Variants in KHDRBS2 observed in about 807,000 individuals in gnomAD.
KHDRBS2 encodes the protein KH domain-containing, RNA-binding, signal transduction-associated protein 2.
A neutral mutation model predicts 44.3 loss-of-function variants in KHDRBS2; 26 were observed. The observed-to-expected ratio is 0.59, with a 90% CI of 0.43 to 0.81. KHDRBS2 has a LOEUF of 0.81. Ranked by LOEUF, KHDRBS2 falls within the 40% of genes least tolerant of loss-of-function variation. KHDRBS2 has a pLI of 0.00. For missense variants in KHDRBS2, 476 were observed against 433.1 expected (o/e 1.10, Z -0.88); for synonymous variants, 194 against 151.1 (o/e 1.28, Z -2.08).
intron 1 of KHDRBS2, among the ~76,000 whole-genome samples, chr6:62,218,321 C>G (rs1360278101): frequency 6.6e-6 from 1 of 151,726 alleles, no homozygotes; most frequent in East Asian, 1.9e-4. Flanking sequence ...AAAAGAATAT[C>G]CCCTTTAGAA....
chr6:61,552,354 A>T, the KHDRBS2 span, among the ~76,000 whole-genome samples: 1 of 152,064 alleles, frequency 6.6e-6, no homozygotes, highest in Non-Finnish European at 1.5e-5. Flanking sequence ...ATTTTTGTAC[A>T]TTGATTTTGT....
chr6:62,011,820 C>A (rs1449572554), intron 3 of KHDRBS2, among the ~76,000 whole-genome samples: 2 of 152,060 alleles, frequency 1.3e-5, no homozygotes, highest in African/African-American at 4.8e-5. Flanking sequence ...TTTAGTTTTT[C>A]ATTCACGTTC....
the KHDRBS2 span, among the ~76,000 whole-genome samples, chr6:61,596,161 G>C: frequency 2.0e-5 from 3 of 152,068 alleles, no homozygotes; most frequent in African/African-American, 7.2e-5. Context: ...AAAGACATAA[G>C]CTCACAGCAA....
intron 4 of KHDRBS2, among the ~76,000 whole-genome samples, chr6:61,921,768 C>G (rs1808107571): frequency 6.6e-6 from 1 of 151,966 alleles, no homozygotes; most frequent in African/African-American, 2.4e-5. Flanking sequence ...CGTTTTGCCA[C>G]TATAATTCTA....
At chr6:61,643,175 T>C in the KHDRBS2 span, among the ~76,000 whole-genome samples, 4 of 152,172 alleles carry the variant, frequency 2.6e-5, no homozygotes, top group Non-Finnish European at 4.4e-5. Flanking sequence ...ATCAAGCAAA[T>C]TCTGTATATA....
chr6:61,907,858 T>C (rs1286746886), intron 4 of KHDRBS2, among the ~76,000 whole-genome samples: 4 of 152,240 alleles, frequency 2.6e-5, no homozygotes, highest in Non-Finnish European at 5.9e-5. Flanking sequence ...ATCCTGTTGA[T>C]GTTTATTTGT....
chr6:62,218,059 G>A (rs1171267014), intron 1 of KHDRBS2, among the ~76,000 whole-genome samples: 1 of 151,864 alleles, frequency 6.6e-6, no homozygotes, highest in African/African-American at 2.4e-5. Context: ...CACCCTTGGG[G>A]CATCTTGCCA....
chr6:61,837,817 T>C (rs1438981430), intron 6 of KHDRBS2, among the ~76,000 whole-genome samples: 1 of 151,896 alleles, frequency 6.6e-6, no homozygotes, highest in Non-Finnish European at 1.5e-5. Context: ...CTGCATACCA[T>C]CCAAACCAGA....
At chr6:62,086,850 C>T (rs1364846889) in intron 2 of KHDRBS2, among the ~76,000 whole-genome samples, 1 of 151,846 alleles carries the variant, frequency 6.6e-6, no homozygotes, top group Non-Finnish European at 1.5e-5. Context: ...CCACTATACC[C>T]TCTCCAAATT....
chr6:61,717,582 G>A (rs573484644), intron 7 of KHDRBS2, among the ~76,000 whole-genome samples: 1 of 152,126 alleles, frequency 6.6e-6, no homozygotes, highest in African/African-American at 2.4e-5. Context: ...TACAAAACGA[G>A]GGCGAGTGAC....
At chr6:62,213,358 A>G (rs1829414448) in intron 1 of KHDRBS2, among the ~76,000 whole-genome samples, 1 of 152,066 alleles carries the variant, frequency 6.6e-6, no homozygotes, top group Admixed American at 6.5e-5. Flanking sequence ...TGAAAAAAAA[A>G]ATTCTGAGAA....
chr6:62,194,995 C>T (rs1488341778), intron 1 of KHDRBS2, among the ~76,000 whole-genome samples: 1 of 151,986 alleles, frequency 6.6e-6, no homozygotes, highest in African/African-American at 2.4e-5. Flanking sequence ...ATAGGGATTT[C>T]ACTGAATCTG....
At position 62,170,863 on chromosome 6, in the gene KHDRBS2, C is replaced by G. The variant is rs138660120; in HGVS notation, c.219+6322G>C. ...CCAGGAGTGCAGAACTGAGCTGTGGCCCCCTGAAATATTCCAGAATCAAAG... is the reference window on the plus strand; with the variant it reads ...CCAGGAGTGCAGAACTGAGCTGTGGGCCCCTGAAATATTCCAGAATCAAAG... On this transcript the variant is annotated intron_variant, in intron 2 of 8. Coordinates refer to ENST00000281156, the MANE Select transcript of KHDRBS2 (RefSeq NM_152688.4). Among the ~76,000 whole-genome samples, 728 of 152,040 alleles carry G rather than the reference C, an allele frequency of 4.8e-3. 5 individuals are homozygous for G. The highest frequency in any genetic ancestry group is 0.017 in the African/African-American group (707 of 41,460).
At chr6:61,814,664 C>T (rs1293651545) in intron 6 of KHDRBS2, among the ~76,000 whole-genome samples, 1 of 151,908 alleles carries the variant, frequency 6.6e-6, no homozygotes, top group Non-Finnish European at 1.5e-5. Context: ...TTCACTTTAC[C>T]CAAAGTTTAG....
intron 3 of KHDRBS2, among the ~76,000 whole-genome samples, chr6:62,033,098 T>C (rs1784643374): frequency 6.6e-6 from 1 of 151,790 alleles, no homozygotes; most frequent in South Asian, 2.1e-4. Flanking sequence ...AGTCTTCTAA[T>C]AGCAAAATAG....
At chr6:61,937,341 A>G (rs1811214361) in intron 4 of KHDRBS2, among the ~76,000 whole-genome samples, 2 of 151,940 alleles carry the variant, frequency 1.3e-5, no homozygotes, top group Admixed American at 1.3e-4. Context: ...ATTCAACCAT[A>G]TCAGATATTC....
chr6:62,115,055 C>T (rs1429976737), intron 2 of KHDRBS2, among the ~76,000 whole-genome samples: 1 of 151,992 alleles, frequency 6.6e-6, no homozygotes, highest in Admixed American at 6.6e-5. Context: ...TGCGATCATT[C>T]GTTTTAGGAG....
At chr6:61,827,205 G>A (rs559538128) in intron 6 of KHDRBS2, among the ~76,000 whole-genome samples, 1 of 152,204 alleles carries the variant, frequency 6.6e-6, no homozygotes, top group East Asian at 1.9e-4. Context: ...TGCACTAGAC[G>A]ACTTGCAAAG....
chr6:62,072,550 AG>A (rs1343943853), intron 2 of KHDRBS2, among the ~76,000 whole-genome samples: 73 of 152,242 alleles, frequency 4.8e-4, no homozygotes, highest in African/African-American at 1.6e-3. Context: ...TTTATCATGA[AG>A]GGTTGTTGAA....
Sources: allele counts gnomAD v4.1 joint callset (sites outside exome capture counted in the v4.1 genomes callset), GRCh38; gene constraint gnomAD v4.1.1; transcripts MANE v1.5; gene names NCBI Gene and HGNC (gene_info 2026-07-23, HGNC 2026-07-21).